Variants in EDA observed in about 807,000 individuals in gnomAD.
EDA encodes ectodysplasin-A.
EDA carries 2 observed loss-of-function variants against 23.6 expected under a neutral mutation model. The ratio of observed to expected loss-of-function variants is 0.08; its 90% confidence interval spans 0.03 to 0.27. EDA has a LOEUF of 0.27. Among genes scored for constraint, EDA ranks in the 10% least tolerant of loss-of-function variants. The pLI, the probability that EDA is intolerant of heterozygous loss-of-function variation, is 1.00. For missense variants in EDA, 229 were observed against 324.2 expected, an observed-to-expected ratio of 0.71 and a Z score of 2.26; for synonymous variants, 131 against 132.0, an observed-to-expected ratio of 0.99 and a Z score of 0.05.
intron 1 of EDA, among the ~76,000 whole-genome samples, chrX:69,876,452 AAG>A (rs2017647892): frequency 9.0e-6 from 1 of 111,404 alleles, no homozygotes; most frequent in African/African-American, 3.3e-5. Flanking sequence ...ATAATAAAAA[AAG>A]AATAAAAATA....
At chrX:70,009,302 T>C (rs536860740) in intron 2 of EDA, among the ~76,000 whole-genome samples, 2 of 111,608 alleles carry the variant, frequency 1.8e-5, no homozygotes, top group East Asian at 5.6e-4. Context: ...TCCTTTCTTC[T>C]GCTTACTTTA....
At chrX:69,846,140 A>G (rs2017001072) in intron 1 of EDA, among the ~76,000 whole-genome samples, 1 of 112,621 alleles carries the variant, frequency 8.9e-6, no homozygotes, top group Non-Finnish European at 1.9e-5. Flanking sequence ...AAATTCAAAC[A>G]TGGTCTGGTT....
intron 1 of EDA, among the ~76,000 whole-genome samples, chrX:69,721,159 C>T (rs764864843): frequency 3.2e-4 from 36 of 111,297 alleles, no homozygotes; most frequent in South Asian, 1.1e-3. Context: ...TGGTGCTTGA[C>T]GGGGCAGAAG....
rs1401097753 is a variant in EDA at position 69,787,237 on chromosome X, CTT to C, written c.397-169788_397-169787del. Among the ~76,000 whole-genome samples, 642 of 100,642 alleles carry C rather than the reference CTT, an allele frequency of 6.4e-3. 10 individuals are homozygous for C. The highest frequency in any genetic ancestry group is 6.9e-3 in the Non-Finnish European group (334 of 48,724). The allele number at this position is 100,642 out of a possible 115,157, so 87.4% of individuals were successfully genotyped here. ...TACAGCAAACTGATGGGTCTTGACT[CTT>C]TATCCAATTTGCCAGTCTGTGTCTT... On this transcript the variant is annotated intron_variant, in intron 1 of 7. Transcript: ENST00000374552.
intron 2 of EDA, among the ~76,000 whole-genome samples, chrX:69,959,707 G>A (rs1447226516): frequency 1.8e-5 from 2 of 111,016 alleles, no homozygotes; most frequent in East Asian, 5.7e-4. Context: ...AAATAAAGTT[G>A]GTTAAATTTG....
chrX:69,636,328 A>G (rs1282211951), intron 1 of EDA, among the ~76,000 whole-genome samples: 2 of 110,219 alleles, frequency 1.8e-5, no homozygotes, highest in African/African-American at 6.6e-5. Flanking sequence ...AAGCTTCCTG[A>G]GGCCCTTCCC....
chrX:69,764,256 T>G (rs1449646604), intron 1 of EDA, among the ~76,000 whole-genome samples: 4 of 50,321 alleles, frequency 7.9e-5, no homozygotes, highest in Non-Finnish European at 1.8e-4. Flanking sequence ...TTTTTTTTTT[T>G]TTTTGAGACA....
At chrX:69,698,361 T>C (rs896058801) in intron 1 of EDA, among the ~76,000 whole-genome samples, 4 of 111,377 alleles carry the variant, frequency 3.6e-5, no homozygotes, top group Non-Finnish European at 7.5e-5. Flanking sequence ...GTGTAGGGCC[T>C]GACCACTTCG....
chrX:69,669,605 A>G (rs996642519), intron 1 of EDA, among the ~76,000 whole-genome samples: 4 of 111,898 alleles, frequency 3.6e-5, no homozygotes, highest in African/African-American at 1.3e-4. Flanking sequence ...ATCTTTTTAT[A>G]TTGGGTATTT....
intron 1 of EDA, among the ~76,000 whole-genome samples, chrX:69,644,800 T>A (rs890592075): frequency 9.0e-6 from 1 of 111,512 alleles, no homozygotes; most frequent in Non-Finnish European, 1.9e-5. Context: ...CAATATCTGG[T>A]TTATTGAGAG....
At chrX:70,020,289 G>T (rs1237509123) in intron 2 of EDA, among the ~76,000 whole-genome samples, 1 of 111,970 alleles carries the variant, frequency 8.9e-6, no homozygotes, top group Non-Finnish European at 1.9e-5. Flanking sequence ...CGGGTGCAGT[G>T]GCTCACGCCT....
chrX:69,701,501 A>G (rs958061745), intron 1 of EDA, among the ~76,000 whole-genome samples: 8 of 112,084 alleles, frequency 7.1e-5, no homozygotes, highest in African/African-American at 2.6e-4. Flanking sequence ...CAAGCATTTG[A>G]AACTGCCTGT....
chrX:69,793,297 AC>A (rs1251016545), intron 1 of EDA, among the ~76,000 whole-genome samples: 2 of 111,391 alleles, frequency 1.8e-5, no homozygotes, highest in African/African-American at 6.5e-5. Flanking sequence ...ATTCTATCAC[AC>A]CATATCATTA....
At chrX:69,728,114 G>T (rs1243898464) in intron 1 of EDA, among the ~76,000 whole-genome samples, 4 of 109,912 alleles carry the variant, frequency 3.6e-5, no homozygotes, top group African/African-American at 1.3e-4. Context: ...GCATGGTGGC[G>T]CATGCCTGTA....
intron 1 of EDA, among the ~76,000 whole-genome samples, chrX:69,882,529 T>A (rs780352074): frequency 1.8e-5 from 2 of 111,909 alleles, no homozygotes; most frequent in South Asian, 7.5e-4. Flanking sequence ...AGTTCCATTT[T>A]ATGAGGTCCC....
intron 1 of EDA, among the ~76,000 whole-genome samples, chrX:69,793,570 G>GTTTTTTTTTTTTTTTTTTTTT (rs67241807): frequency 2.9e-4 from 17 of 58,760 alleles, no homozygotes; most frequent in East Asian, 6.4e-4. Flanking sequence ...GTTTGTTTTT[G>GTTTTTTTTTTTTTTTTTTTTT]TTTTTTTTTT....
At chrX:69,676,918 G>A (rs1288016436) in intron 1 of EDA, among the ~76,000 whole-genome samples, 2 of 103,793 alleles carry the variant, frequency 1.9e-5, no homozygotes, top group African/African-American at 3.5e-5. Flanking sequence ...ATGCTGGTGC[G>A]CTGCACCCAC....
intron 2 of EDA, among the ~76,000 whole-genome samples, chrX:70,018,727 A>G (rs1438211795): frequency 1.8e-5 from 2 of 111,918 alleles, no homozygotes; most frequent in African/African-American, 6.5e-5. Context: ...CCAAAACTAT[A>G]AAAACCCTTG....
At chrX:69,778,475 C>T in intron 1 of EDA, among the ~76,000 whole-genome samples, 1 of 111,867 alleles carries the variant, frequency 8.9e-6, no homozygotes, top group Admixed American at 9.5e-5. Context: ...ATGTCTCCTC[C>T]ATAAGCTATT....
Sources: gnomAD v4.1 joint callset for allele counts (sites outside exome capture counted in the v4.1 genomes callset) on GRCh38, gnomAD v4.1.1 for gene constraint, MANE v1.5 for transcripts, NCBI Gene and HGNC (gene_info 2026-07-23, HGNC 2026-07-21) for gene names.